DLG2: variants seen among roughly 807,000 people sequenced by gnomAD.
The protein encoded by DLG2 is disks large homolog 2.
In DLG2, 45 loss-of-function variants were observed where a neutral mutation model predicts 132.5. The ratio of observed to expected loss-of-function variants is 0.34; its 90% CI spans 0.27 to 0.44. The LOEUF is 0.44. Among genes scored for constraint, DLG2 ranks in the 20% least tolerant of loss-of-function variants. The probability of loss-of-function intolerance (pLI) is 1.00; values close to 1 mark genes in which losing one functional copy is unlikely to be tolerated. For synonymous variants in DLG2, 424 were observed against 419.6 expected, an observed-to-expected ratio of 1.01 and a Z score of -0.13; for missense variants, 1,045 against 1,196.9, an observed-to-expected ratio of 0.87 and a Z score of 1.87.
intron 6 of DLG2, among the ~76,000 whole-genome samples, chr11:84,921,508 T>C (rs1190804683): frequency 1.3e-5 from 2 of 152,124 alleles, no homozygotes; most frequent in South Asian, 2.1e-4. Context: ...ATGAGAAAAA[T>C]GTAAAGCTAA....
chr11:85,403,502 AT>A (rs2088399881), intron 3 of DLG2, among the ~76,000 whole-genome samples: 2 of 152,046 alleles, frequency 1.3e-5, no homozygotes, highest in South Asian at 2.1e-4. Flanking sequence ...AAAAAATTAA[AT>A]TTAAAAAAAA....
chr11:84,503,218 C>T (rs543303663), intron 7 of DLG2, among the ~76,000 whole-genome samples: 8 of 152,174 alleles, frequency 5.3e-5, no homozygotes, highest in East Asian at 1.9e-4. Context: ...AGAAAACGCT[C>T]GAAGATAAGA....
chr11:85,372,933 T>C (rs1221003170), intron 3 of DLG2, among the ~76,000 whole-genome samples: 3 of 152,334 alleles, frequency 2.0e-5, no homozygotes, highest in African/African-American at 4.8e-5. Flanking sequence ...TCTGTACCCA[T>C]TTCAAATGCA....
Position 83,462,045 on chromosome 11 carries a change from A to G in DLG2, c.2778T>C (p.Asp926=), listed in dbSNP as rs983475700. The G allele has an allele frequency of 2.8e-5, 45 of 1,613,700 alleles. No individual in the cohort carries two copies. The highest frequency in any genetic ancestry group is 3.6e-5 in the Non-Finnish European group (42 of 1,179,630). The change falls in exon 27 of 28, where the codon GAT becomes GAC. Residue 926 remains aspartate, a synonymous_variant. Transcript: ENST00000376104. ...LTEEQAKKTY[D]RAIKLEQEFG... is the part of the protein sequence containing the mutation. ...ATTCTTGTTCTAGCTTAATTGCTCG[A>G]TCATAGGTTTTCTTGGCTTGTTCCT...
intron 9 of DLG2, among the ~76,000 whole-genome samples, chr11:84,099,551 A>G (rs542154935): frequency 2.0e-5 from 3 of 152,028 alleles, no homozygotes; most frequent in Non-Finnish European, 4.4e-5. Context: ...CCACTTCAGA[A>G]GACAAGGCCC....
intron 3 of DLG2, among the ~76,000 whole-genome samples, chr11:85,508,587 G>A (rs764794639): frequency 6.6e-6 from 1 of 151,924 alleles, no homozygotes; most frequent in Non-Finnish European, 1.5e-5. Flanking sequence ...ATAAGAACAA[G>A]AATTTCATCT....
intron 12 of DLG2, among the ~76,000 whole-genome samples, chr11:83,970,808 A>G (rs1320313308): frequency 1.3e-5 from 2 of 152,102 alleles, no homozygotes; most frequent in Non-Finnish European, 2.9e-5. Flanking sequence ...CTTGGTGAAA[A>G]TTTTCGCTGA....
chr11:83,688,180 G>A (rs1027083689), intron 18 of DLG2, among the ~76,000 whole-genome samples: 5 of 152,028 alleles, frequency 3.3e-5, no homozygotes, highest in African/African-American at 9.7e-5. Context: ...ATAATCCCAC[G>A]CAACGAATTT....
chr11:84,298,985 T>A (rs1398435682), intron 7 of DLG2, among the ~76,000 whole-genome samples: 4 of 152,234 alleles, frequency 2.6e-5, no homozygotes, highest in Admixed American at 6.5e-5. Flanking sequence ...TGGTTGGCAA[T>A]CTGTTTTCTA....
At chr11:83,477,382 G>T (rs1007979384) in intron 22 of DLG2, among the ~76,000 whole-genome samples, 1 of 152,110 alleles carries the variant, frequency 6.6e-6, no homozygotes, top group East Asian at 1.9e-4. Context: ...TTTATCAGCT[G>T]CAATTTTAGC....
chr11:85,069,875 T>G (rs2065534606), intron 6 of DLG2, among the ~76,000 whole-genome samples: 1 of 152,132 alleles, frequency 6.6e-6, no homozygotes, highest in Non-Finnish European at 1.5e-5. Context: ...GTGGCACTAT[T>G]CACAATAGCA....
At chr11:85,201,918 A>T (rs1413036452) in intron 4 of DLG2, among the ~76,000 whole-genome samples, 1 of 152,084 alleles carries the variant, frequency 6.6e-6, no homozygotes, top group Admixed American at 6.6e-5. Flanking sequence ...AAAAAATTCT[A>T]GAGCTTAAAA....
At chr11:84,982,160 A>G (rs2055847438) in intron 6 of DLG2, among the ~76,000 whole-genome samples, 1 of 152,042 alleles carries the variant, frequency 6.6e-6, no homozygotes, top group African/African-American at 2.4e-5. Flanking sequence ...TTCTTACTCT[A>G]TATTTGCTCT....
intron 3 of DLG2, among the ~76,000 whole-genome samples, chr11:85,322,805 T>C (rs914124396): frequency 5.3e-5 from 8 of 152,152 alleles, no homozygotes; most frequent in African/African-American, 1.4e-4. Flanking sequence ...ATAGATCCTA[T>C]ATAATAAATA....
intron 7 of DLG2, among the ~76,000 whole-genome samples, chr11:84,363,496 C>A (rs1170024274): frequency 6.6e-6 from 1 of 152,020 alleles, no homozygotes; most frequent in African/African-American, 2.4e-5. Context: ...TTTTGCTGTG[C>A]AGAAGCTCTT....
At chr11:84,812,838 G>T (rs1007202191) in intron 6 of DLG2, among the ~76,000 whole-genome samples, 3 of 152,110 alleles carry the variant, frequency 2.0e-5, no homozygotes, top group African/African-American at 7.2e-5. Context: ...CTGAGCAGTG[G>T]TATCTGCAAT....
chr11:85,176,693 A>G (rs1479176472), intron 4 of DLG2, among the ~76,000 whole-genome samples: 3 of 152,224 alleles, frequency 2.0e-5, no homozygotes, highest in African/African-American at 7.2e-5. Flanking sequence ...AAATGGGAGA[A>G]AATTTTTGCA....
At chr11:84,877,951 CAT>C (rs374921735) in intron 6 of DLG2, among the ~76,000 whole-genome samples, 10 of 152,162 alleles carry the variant, frequency 6.6e-5, no homozygotes, top group African/African-American at 2.2e-4. Flanking sequence ...GGCCAACAAA[CAT>C]ATGAAAAAAA....
At chr11:84,522,078 G>C (rs1217167702) in intron 7 of DLG2, among the ~76,000 whole-genome samples, 1 of 151,716 alleles carries the variant, frequency 6.6e-6, no homozygotes, top group African/African-American at 2.4e-5. Context: ...TGAAGCAGGC[G>C]AATCACTTGA....
Sources: allele counts gnomAD v4.1 joint callset (sites outside exome capture counted in the v4.1 genomes callset), GRCh38; gene constraint gnomAD v4.1.1; transcripts MANE v1.5; gene names NCBI Gene and HGNC (gene_info 2026-07-23, HGNC 2026-07-21).